Variants in HOOK1 observed in about 807,000 individuals in gnomAD.
The protein encoded by HOOK1 is protein Hook homolog 1.
HOOK1 carries 60 observed loss-of-function variants against 112.8 expected under a neutral mutation model. That is an observed-to-expected ratio of 0.53 (90% CI 0.43 to 0.66). The LOEUF is 0.66. Ranked by LOEUF, HOOK1 falls within the 30% of genes least tolerant of loss-of-function variation. The pLI, the probability that HOOK1 is intolerant of heterozygous loss-of-function variation, is 0.00. For synonymous variants in HOOK1, 294 were observed against 283.8 expected (o/e 1.04, Z -0.36); for missense variants, 770 against 856.0 (o/e 0.90, Z 1.25).
chr1:59,871,975 A>G (rs1170898866), intron 21 of HOOK1, among the ~76,000 whole-genome samples: 1 of 152,202 alleles, frequency 6.6e-6, no homozygotes, highest in Non-Finnish European at 1.5e-5. Context: ...TGAGTCAGTC[A>G]TCCTAGTTGA....
At chr1:59,821,809 C>A in intron 1 of HOOK1, 49 bp from the exon 2 acceptor site, 1 of 1,282,220 alleles carries the variant, frequency 7.8e-7, no homozygotes, top group Non-Finnish European at 1.1e-6. Flanking sequence ...GTAATGCTAC[C>A]TTGTAGGTAT....
intron 7 of HOOK1, among the ~76,000 whole-genome samples, chr1:59,837,838 C>T (rs2098398734): frequency 6.6e-6 from 1 of 152,066 alleles, no homozygotes; most frequent in Non-Finnish European, 1.5e-5. Flanking sequence ...AATGTTATCC[C>T]TTTCCTAGCC....
At chr1:59,868,056 T>G (rs971338706) in intron 19 of HOOK1, among the ~76,000 whole-genome samples, 194 bp from the exon 20 acceptor site, 8 of 152,166 alleles carry the variant, frequency 5.3e-5, no homozygotes, top group African/African-American at 1.9e-4. Flanking sequence ...GTACTGAATT[T>G]TTGTACTGTT....
At chr1:59,868,067 T>C (rs1643997542) in intron 19 of HOOK1, among the ~76,000 whole-genome samples, 183 bp from the exon 20 acceptor site, 1 of 152,182 alleles carries the variant, frequency 6.6e-6, no homozygotes, top group South Asian at 2.1e-4. Context: ...TTGTACTGTT[T>C]CTTGTATATA....
At chr1:59,846,573 TCCTTCCTTCCTTCCTCCC>T (rs2098404024) in intron 9 of HOOK1, among the ~76,000 whole-genome samples, 1 of 60,630 alleles carries the variant, frequency 1.6e-5, no homozygotes, top group African/African-American at 9.7e-5. Flanking sequence ...CTTCCTTCCT[TCCTTCCTTCCTTCCTCCC>T]TCCTCCCTCC....
At chr1:59,819,278 T>C (rs897304342) in intron 1 of HOOK1, among the ~76,000 whole-genome samples, 1 of 151,202 alleles carries the variant, frequency 6.6e-6, no homozygotes, top group African/African-American at 2.4e-5. Context: ...CCCTCCCTAG[T>C]AGCTGGGATT....
At chr1:59,818,349 A>C (rs1312549196) in intron 1 of HOOK1, among the ~76,000 whole-genome samples, 1 of 152,238 alleles carries the variant, frequency 6.6e-6, no homozygotes, top group South Asian at 2.1e-4. Flanking sequence ...TAGAGAAGTC[A>C]TCAAGAAAAG....
chr1:59,860,893 C>T (rs2098413252), intron 15 of HOOK1, among the ~76,000 whole-genome samples: 1 of 152,052 alleles, frequency 6.6e-6, no homozygotes, highest in African/African-American at 2.4e-5. Flanking sequence ...CCTGCCTCAC[C>T]CTCCCAAGTA....
In HOOK1 at chr1:59,835,466, A is replaced by T. The variant is rs1032447142; in HGVS notation, c.474+54A>T. On this transcript the variant is annotated intron_variant, in intron 6 of 21. Transcript: ENST00000371208. ...AAAAATCCTAAACCAAATTATACAAAACTTTTCATACTTTATGCTTTTCTT... is the reference window on the plus strand; with the variant it reads ...AAAAATCCTAAACCAAATTATACAATACTTTTCATACTTTATGCTTTTCTT... 1.3e-5 allele frequency: 13 copies of T among 981,988 alleles called. No individual in the cohort carries two copies. The African/African-American group carries it at 2.0e-4, about 15-fold the overall frequency. 60.8% of individuals were successfully genotyped at this position (981,988 alleles called of 1,614,324 possible).
chr1:59,850,415 TTTTGG>T (rs936851793), intron 12 of HOOK1, among the ~76,000 whole-genome samples: 3 of 151,434 alleles, frequency 2.0e-5, no homozygotes, highest in African/African-American at 7.3e-5. Flanking sequence ...GCTTGTCTTT[TTTTGG>T]TGATGTTTCT....
At chr1:59,822,615 G>A (rs976672016) in intron 2 of HOOK1, among the ~76,000 whole-genome samples, 14 of 152,112 alleles carry the variant, frequency 9.2e-5, no homozygotes, top group African/African-American at 3.4e-4. Context: ...AATATGAGCT[G>A]CACCCTAAGT....
At chr1:59,820,617 C>A (rs1467334359) in intron 1 of HOOK1, among the ~76,000 whole-genome samples, 2 of 152,168 alleles carry the variant, frequency 1.3e-5, no homozygotes, top group Non-Finnish European at 2.9e-5. Context: ...ACCTTCCATT[C>A]AGAAATCATC....
chr1:59,860,275 G>A lies in HOOK1; in HGVS notation c.1479G>A (p.Gln493=). 4.3e-6 allele frequency: 7 copies of A among 1,610,926 alleles called. No individual in the cohort carries two copies. Among genetic ancestry groups the A allele is most frequent in the Non-Finnish European group, 5.9e-6 (7 of 1,178,130 alleles). The change falls in exon 15 of 22, where the codon CAG becomes CAA. Residue 493 remains glutamine, a synonymous_variant. Transcript: ENST00000371208. ...AGAATGAACGTATTGAGGAACTTCA[G>A]GAGCAGCTAGAACAGAAACACCGTA... ...GSENERIEEL[Q]EQLEQKHRKM... is the part of the protein sequence containing the mutation.
chr1:59,843,366 T>C, intron 8 of HOOK1, 66 bp from the exon 9 acceptor site: 1 of 1,184,108 alleles, frequency 8.4e-7, no homozygotes, highest in South Asian at 1.6e-5. Context: ...CTCTAGACTC[T>C]AATAAGAATT....
chr1:59,863,278 T>A (rs2098414564), intron 16 of HOOK1, among the ~76,000 whole-genome samples: 2 of 152,162 alleles, frequency 1.3e-5, no homozygotes, highest in Non-Finnish European at 2.9e-5. Flanking sequence ...GCAGTCAGAA[T>A]TGAGGAAACC....
chr1:59,838,867 T>C (rs944434050), intron 7 of HOOK1, among the ~76,000 whole-genome samples: 1 of 152,202 alleles, frequency 6.6e-6, no homozygotes, highest in African/African-American at 2.4e-5. Flanking sequence ...CTTGAGTTGA[T>C]TTTTGTATAA....
intron 13 of HOOK1, 97 bp downstream of exon 13, chr1:59,858,612 GCCTATAGT>G (rs1177445800): frequency 1.2e-6 from 1 of 804,596 alleles, no homozygotes; most frequent in Non-Finnish European, 2.2e-6. Flanking sequence ...GGTGGCGCAT[GCCTATAGT>G]CCTAGCTCTG....
chr1:59,855,970 A>T (rs1372403913), intron 12 of HOOK1, among the ~76,000 whole-genome samples: 6 of 67,294 alleles, frequency 8.9e-5, no homozygotes, highest in Non-Finnish European at 1.5e-4. Flanking sequence ...AAATTATTAT[A>T]TATATATATA....
chr1:59,847,185 G>C lies in HOOK1; in HGVS notation c.929G>C (p.Arg310Thr), dbSNP rs1256061842. ...RALKDEIDVLRATSDKANKLE... is the reference protein window; with the variant it reads ...RALKDEIDVLTATSDKANKLE... Reference sequence around the variant, plus strand: ...CTGAAAGATGAAATAGATGTTCTTAGGTATGGCATGTCTTAAAAAATATAA... The same window carrying C: ...CTGAAAGATGAAATAGATGTTCTTACGTATGGCATGTCTTAAAAAATATAA... The change falls in exon 10 of 22, where the codon AGG becomes ACG. Residue 310 changes from arginine to threonine, a missense_variant and splice_region_variant. This residue lies in a region of HOOK1 where 655 missense variants were observed against 725.9 expected (regional missense o/e 0.90). Transcript: ENST00000371208. 1 of 1,592,966 alleles carries C rather than the reference G, an allele frequency of 6.3e-7. No homozygotes were observed. Among genetic ancestry groups the C allele is most frequent in the Non-Finnish European group, 8.5e-7 (1 of 1,172,284 alleles).
Sources: allele counts gnomAD v4.1 joint callset (sites outside exome capture counted in the v4.1 genomes callset), GRCh38; gene constraint gnomAD v4.1.1; regional missense constraint gnomAD v4.1.1; transcripts MANE v1.5; gene names NCBI Gene and HGNC (gene_info 2026-07-23, HGNC 2026-07-21).